The following CRY1 variants were observed in gnomAD, a reference collection of about 807,000 sequenced individuals.
The protein encoded by CRY1 is cryptochrome circadian regulator 1, also known as cryptochrome-1.
A neutral mutation model predicts 76.0 loss-of-function variants in CRY1; 45 were observed. The observed-to-expected ratio is 0.59, with a 90% CI of 0.47 to 0.76. CRY1 has a LOEUF of 0.76. CRY1 is among the 30% of genes least tolerant of loss of function. The pLI is 0.00. For synonymous variants in CRY1, 248 were observed against 244.0 expected (o/e 1.02, Z -0.15); for missense variants, 587 against 716.4 (o/e 0.82, Z 2.06).
At chr12:107,039,618 A>T (rs1204489676) in intron 1 of CRY1, among the ~76,000 whole-genome samples, 2 of 152,210 alleles carry the variant, frequency 1.3e-5, no homozygotes, top group East Asian at 3.8e-4. Flanking sequence ...CCACAATGAG[A>T]TATCACCTTA....
At chr12:107,026,166 T>TA (rs1555199057) in intron 1 of CRY1, among the ~76,000 whole-genome samples, 1 of 20,608 alleles carries the variant, frequency 4.9e-5, no homozygotes, top group Non-Finnish European at 8.1e-5. Flanking sequence ...AAAATATATA[T>TA]ATATATATTA....
chr12:107,051,317 T>C (rs7294861), intron 1 of CRY1, among the ~76,000 whole-genome samples: 1 of 151,958 alleles, frequency 6.6e-6, no homozygotes, highest in Non-Finnish European at 1.5e-5. Flanking sequence ...TGTATTAATT[T>C]TTAAATATTC....
chr12:106,992,042 T>G (rs1341181967), intron 12 of CRY1, 41 bp from the exon 13 acceptor site: 1 of 152,148 alleles, frequency 6.6e-6, no homozygotes, highest in East Asian at 1.9e-4. Context: ...TAAAGCTTGA[T>G]TGCAAATAAT....
chr12:107,070,993 A>C (rs4964517), intron 1 of CRY1, among the ~76,000 whole-genome samples: 103,088 of 151,614 alleles, frequency 0.68, 35,686 homozygotes, highest in East Asian at 0.97. Context: ...CGTGAGCCAC[A>C]GCGCCCGGCC....
In CRY1 at chr12:107,002,627, T is replaced by C. The variant is rs115269563; in HGVS notation, c.411-679A>G. 6.9e-3 allele frequency among the ~76,000 whole-genome samples: 1,045 copies of C among 152,268 alleles called. 18 individuals carry two copies. Among genetic ancestry groups the C allele is most frequent in the African/African-American group, 0.024 (1,002 of 41,536 alleles). On this transcript the variant is annotated intron_variant, in intron 3 of 12. Transcript: ENST00000008527. ...TCTGTACACTAGACCTCTAGTGTTG[T>C]TCATCTTACATAACTTCTACTTTGT...
chr12:106,993,741 G>A (rs956728683), intron 10 of CRY1, among the ~76,000 whole-genome samples: 3 of 151,998 alleles, frequency 2.0e-5, no homozygotes, highest in Admixed American at 2.0e-4. Context: ...ATCAGTGGCA[G>A]TTGCTCACCC....
At chr12:107,080,015 G>A (rs775000547) in intron 1 of CRY1, among the ~76,000 whole-genome samples, 2 of 152,062 alleles carry the variant, frequency 1.3e-5, no homozygotes, top group Non-Finnish European at 2.9e-5. Context: ...ATGGTGATAT[G>A]GGCTAAAGAG....
rs140685663 is a variant in CRY1, at chr12:107,087,179, A to G, written c.158+5625T>C. ...ATCCATGAGAGCAGCCATGTGGGCTATGCCCAACCAAGCCATAGAGATGCA... is the reference window on the plus strand; with the variant it reads ...ATCCATGAGAGCAGCCATGTGGGCTGTGCCCAACCAAGCCATAGAGATGCA... On this transcript the variant is annotated intron_variant, in intron 1 of 12. Transcript: ENST00000008527. Among the ~76,000 whole-genome samples the G allele has an allele frequency of 4.4e-3, 663 of 151,372 alleles. 2 individuals are homozygous for G. The highest frequency in any genetic ancestry group is 0.015 in the African/African-American group (634 of 41,166).
chr12:107,070,292 A>G lies in CRY1; in HGVS notation c.158+22512T>C, dbSNP rs545505667. 2.6e-5 allele frequency among the ~76,000 whole-genome samples: 4 copies of G among 152,344 alleles called. No homozygotes were observed. In the East Asian group the frequency reaches 7.7e-4, roughly 29 times the overall value. ...TCACAGAGCATTATACAGCTGTTAG[A>G]AGCAATGGATTAGCAGTATCAACAT... is the stretch of plus-strand genomic sequence containing the variant. On this transcript the variant is annotated intron_variant, in intron 1 of 12. Transcript: ENST00000008527.
At chr12:107,000,753 A>C (rs1356375704) in intron 5 of CRY1, among the ~76,000 whole-genome samples, 1 of 151,882 alleles carries the variant, frequency 6.6e-6, no homozygotes, top group Non-Finnish European at 1.5e-5. Flanking sequence ...GGGTTCAAAC[A>C]ATTCTCATGC....
chr12:107,093,184 G>T lies in CRY1; in HGVS notation c.-223C>A. 2 of 523,348 alleles carry T rather than the reference G, an allele frequency of 3.8e-6. No homozygotes were observed. The highest frequency in any genetic ancestry group is 6.4e-6 in the Non-Finnish European group (2 of 310,194). 32.4% of individuals were successfully genotyped at this position (523,348 alleles called of 1,614,324 possible). On this transcript the variant is annotated 5_prime_UTR_variant, in exon 1 of 13. Coordinates refer to ENST00000008527, the MANE Select transcript of CRY1 (RefSeq NM_004075.5). ...GAGGTTGCCTAGTCGGCGGAGTCCGGGTGTGACGCCCTTTAGGAGCCCGCG... is the reference window on the plus strand; with the variant it reads ...GAGGTTGCCTAGTCGGCGGAGTCCGTGTGTGACGCCCTTTAGGAGCCCGCG...
chr12:107,091,056 T>C (rs111280075), intron 1 of CRY1, among the ~76,000 whole-genome samples: 2,269 of 152,128 alleles, frequency 0.015, 65 homozygotes, highest in African/African-American at 0.05. Context: ...TTTTTTTTTT[T>C]TCTTGCGACA....
At position 106,997,306 on chromosome 12, in the gene CRY1, T is replaced by C. The variant is rs1158368504; in HGVS notation, c.1573A>G (p.Ser525Gly). The C allele has an allele frequency of 6.2e-7, 1 of 1,613,936 alleles. No homozygotes were observed. The highest frequency in any genetic ancestry group is 1.1e-5 in the South Asian group (1 of 91,054). ...CCTTTTCACTTACTTCCACTGCTGC[T>C]ACAACCTGGGATATTTTCTGCAGAA... ...GYSAENIPGC[S>G]SSGSCSQGSG... The change falls in exon 10 of 13, where the codon AGC (serine) becomes GGC (glycine). Residue 525 changes from serine to glycine, a missense_variant. Coordinates refer to ENST00000008527, the MANE Select transcript of CRY1 (RefSeq NM_004075.5).
At chr12:107,009,500 C>T (rs1952415027) in intron 2 of CRY1, among the ~76,000 whole-genome samples, 1 of 149,402 alleles carries the variant, frequency 6.7e-6, no homozygotes, top group African/African-American at 2.5e-5. Context: ...GGTTGTACCA[C>T]TGCACTCCAG....
At chr12:107,003,229 CATTA>C (rs1204050440) in intron 3 of CRY1, among the ~76,000 whole-genome samples, 12 of 152,152 alleles carry the variant, frequency 7.9e-5, no homozygotes, top group East Asian at 3.8e-4. Flanking sequence ...TACTTCTGAT[CATTA>C]ATTAACTCAA....
At chr12:107,032,509 G>GACACACAC (rs71076712) in intron 1 of CRY1, among the ~76,000 whole-genome samples, 33 of 150,896 alleles carry the variant, frequency 2.2e-4, no homozygotes, top group Admixed American at 5.9e-4. Context: ...AACTGTTACA[G>GACACACAC]ACACACACAC....
intron 1 of CRY1, among the ~76,000 whole-genome samples, chr12:107,073,579 A>T (rs1373705806): frequency 6.6e-6 from 1 of 152,074 alleles, no homozygotes; most frequent in Non-Finnish European, 1.5e-5. Context: ...ACACAAAAAA[A>T]TTAGCTGGGC....
At chr12:107,007,230 T>C (rs1952385692) in intron 2 of CRY1, among the ~76,000 whole-genome samples, 2 of 152,208 alleles carry the variant, frequency 1.3e-5, no homozygotes, top group Non-Finnish European at 2.9e-5. Context: ...TAGAATAGTT[T>C]AAAAACACAG....
intron 1 of CRY1, among the ~76,000 whole-genome samples, chr12:107,028,334 C>T (rs1952638169): frequency 6.6e-6 from 1 of 151,850 alleles, no homozygotes; most frequent in Admixed American, 6.6e-5. Flanking sequence ...CTTAATTTTA[C>T]CTAAATTGTC....
Sources: allele counts gnomAD v4.1 joint callset (sites outside exome capture counted in the v4.1 genomes callset), GRCh38; gene constraint gnomAD v4.1.1; transcripts MANE v1.5; gene names NCBI Gene and HGNC (gene_info 2026-07-23, HGNC 2026-07-21).